The following PPP2R2B variants were observed in gnomAD, a reference collection of about 807,000 sequenced individuals.
PPP2R2B encodes serine/threonine-protein phosphatase 2A 55 kDa regulatory subunit B beta isoform.
In PPP2R2B, 5 loss-of-function variants were observed where a neutral mutation model predicts 46.0. The ratio of observed to expected loss-of-function variants is 0.11; its 90% confidence interval spans 0.06 to 0.23. The LOEUF (loss-of-function observed/expected upper bound fraction) is 0.23, where lower values mean the gene tolerates loss of function less well. PPP2R2B is among the 10% of genes least tolerant of loss of function. The probability of loss-of-function intolerance (pLI) is 1.00; values close to 1 mark genes in which losing one functional copy is unlikely to be tolerated. For synonymous variants in PPP2R2B, 215 were observed against 206.7 expected (o/e 1.04, Z -0.34); for missense variants, 367 against 575.0 (o/e 0.64, Z 3.70).
Position 146,813,123 on chromosome 5 carries a change from T to A in PPP2R2B, c.70+64879A>T, listed in dbSNP as rs533784361. 2.0e-5 allele frequency among the ~76,000 whole-genome samples: 3 copies of A among 151,496 alleles called. No individual in the cohort carries two copies. In the East Asian group the frequency reaches 5.9e-4, roughly 30 times the overall value. On this transcript the variant is annotated intron_variant, in intron 2 of 9. Transcript: ENST00000394411. Reference sequence around the variant, plus strand: ...CATATACATATACTATGAATGAAGCTATATATATAGTGTGTGTGTGTATAT... The same window carrying A: ...CATATACATATACTATGAATGAAGCAATATATATAGTGTGTGTGTGTATAT...
intron 2 of PPP2R2B, among the ~76,000 whole-genome samples, chr5:146,810,400 A>G (rs942091416): frequency 2.6e-5 from 4 of 152,294 alleles, no homozygotes; most frequent in African/African-American, 9.6e-5. Flanking sequence ...ACTACCATGA[A>G]AACAGTATGG....
intron 2 of PPP2R2B, among the ~76,000 whole-genome samples, chr5:146,842,528 G>T (rs1759725196): frequency 1.4e-5 from 2 of 144,900 alleles, no homozygotes; most frequent in African/African-American, 2.6e-5. Context: ...TGCAGGATGT[G>T]CAAGTTTTTT....
intron 1 of PPP2R2B, among the ~76,000 whole-genome samples, chr5:146,990,062 C>T (rs1753622043): frequency 6.7e-6 from 1 of 148,836 alleles, no homozygotes; most frequent in South Asian, 2.1e-4. Context: ...AACCATAAAA[C>T]ATTAATGAAA....
intron 1 of PPP2R2B, among the ~76,000 whole-genome samples, chr5:146,916,766 T>C (rs1034290266): frequency 2.0e-5 from 3 of 152,142 alleles, no homozygotes; most frequent in African/African-American, 7.2e-5. Flanking sequence ...GTAGTTTCAA[T>C]TTTGTGACTT....
At chr5:146,825,742 G>T (rs1012298117) in intron 2 of PPP2R2B, among the ~76,000 whole-genome samples, 4 of 152,210 alleles carry the variant, frequency 2.6e-5, no homozygotes, top group African/African-American at 7.2e-5. Context: ...AAGTGCTGTA[G>T]TTTAAAGTAT....
intron 7 of PPP2R2B, among the ~76,000 whole-genome samples, chr5:146,604,305 A>C (rs1019016272): frequency 1.3e-5 from 2 of 152,360 alleles, no homozygotes; most frequent in Admixed American, 6.5e-5. Flanking sequence ...AGAGATGTGC[A>C]AAATTTGTTG....
chr5:146,648,442 G>T (rs1775727145), intron 6 of PPP2R2B, among the ~76,000 whole-genome samples: 1 of 152,078 alleles, frequency 6.6e-6, no homozygotes, highest in Admixed American at 6.6e-5. Context: ...AAATTTCCAG[G>T]TTAGATTTTA....
intron 8 of PPP2R2B, among the ~76,000 whole-genome samples, chr5:146,595,552 C>T (rs573795369): frequency 2.6e-5 from 4 of 152,290 alleles, no homozygotes; most frequent in South Asian, 4.1e-4. Flanking sequence ...CAAGGGAAAA[C>T]CTAGTCTGAA....
chr5:146,650,825 C>T lies in PPP2R2B; in HGVS notation c.448-101G>A, dbSNP rs547139924. The T allele has an allele frequency of 1.2e-5, 13 of 1,102,590 alleles. No homozygotes were observed. The African/African-American group carries it at 1.6e-4, about 14-fold the overall frequency. 68.3% of individuals were successfully genotyped at this position (1,102,590 alleles called of 1,614,324 possible). A position where few individuals can be genotyped will look rare whatever the true frequency, so the allele number is the denominator to read the frequency against. On this transcript the variant is annotated intron_variant, in intron 5 of 9. Coordinates refer to ENST00000394411, the MANE Select transcript of PPP2R2B (RefSeq NM_181675.4). ...TTATTATCACACACAAAATAATAGC[C>T]ACATTGAAGAAACTCCAAGTTAGAG...
intron 2 of PPP2R2B, among the ~76,000 whole-genome samples, chr5:146,815,284 C>T (rs574561625): frequency 6.6e-6 from 1 of 152,328 alleles, no homozygotes; most frequent in East Asian, 1.9e-4. Flanking sequence ...GTCTTAAGAC[C>T]TTCTGGAGTT....
chr5:146,782,513 G>A (rs1755591624), intron 2 of PPP2R2B, among the ~76,000 whole-genome samples: 1 of 152,064 alleles, frequency 6.6e-6, no homozygotes, highest in African/African-American at 2.4e-5. Context: ...ACTTCAGCCT[G>A]AGTGATGACT....
At chr5:146,748,704 A>G (rs540210524) in intron 2 of PPP2R2B, among the ~76,000 whole-genome samples, 19 of 152,340 alleles carry the variant, frequency 1.2e-4, no homozygotes, top group African/African-American at 4.1e-4. Flanking sequence ...GATTGTATCA[A>G]TAGCTCATTC....
intron 5 of PPP2R2B, among the ~76,000 whole-genome samples, chr5:146,687,486 A>G (rs557956924): frequency 6.6e-6 from 1 of 152,210 alleles, no homozygotes; most frequent in African/African-American, 2.4e-5. Flanking sequence ...CAAATGATCA[A>G]TAAGTGCTAG....
At chr5:146,991,968 T>C (rs1436596671) in intron 1 of PPP2R2B, among the ~76,000 whole-genome samples, 1 of 152,116 alleles carries the variant, frequency 6.6e-6, no homozygotes, top group Non-Finnish European at 1.5e-5. Context: ...ACAGAGTCCA[T>C]GGAATCCATA....
intron 6 of PPP2R2B, among the ~76,000 whole-genome samples, chr5:146,645,970 A>G (rs1449307261): frequency 6.6e-6 from 1 of 152,186 alleles, no homozygotes; most frequent in Non-Finnish European, 1.5e-5. Context: ...CTCTTTGCCA[A>G]GTTAGTTCAT....
chr5:146,857,249 A>C (rs2151388950), intron 2 of PPP2R2B, among the ~76,000 whole-genome samples: 1 of 152,318 alleles, frequency 6.6e-6, no homozygotes, highest in African/African-American at 2.4e-5. Context: ...TTTCTCTGCA[A>C]GCGTTCAGAA....
rs146771591 is a variant in PPP2R2B at position 147,010,372 on chromosome 5, T to C, written c.79+45293A>G. Among the ~76,000 whole-genome samples, 382 of 152,294 alleles carry C rather than the reference T, an allele frequency of 2.5e-3. 1 individual carries two copies. Among genetic ancestry groups the C allele is most frequent in the African/African-American group, 8.7e-3 (360 of 41,564 alleles). On this transcript the variant is annotated intron_variant, in intron 1 of 8. Coordinates refer to the PPP2R2B transcript ENST00000336640. ...CATTTATTGTGCACTTTATTTCTAT[T>C]TTTATTGTATTGTAACATGTAGTGA...
intron 1 of PPP2R2B, among the ~76,000 whole-genome samples, chr5:146,988,441 C>A (rs1327744090): frequency 6.6e-6 from 1 of 151,726 alleles, no homozygotes; most frequent in Admixed American, 6.6e-5. Context: ...AGTGCAATAA[C>A]ACTAGAACAA....
intron 4 of PPP2R2B, among the ~76,000 whole-genome samples, chr5:146,693,965 T>A (rs533747180): frequency 1.1e-3 from 161 of 152,294 alleles, no homozygotes; most frequent in African/African-American, 3.6e-3. Context: ...TTTTGCCCCT[T>A]GCTCCATTCC....
Sources: allele counts gnomAD v4.1 joint callset (sites outside exome capture counted in the v4.1 genomes callset), GRCh38; gene constraint gnomAD v4.1.1; transcripts MANE v1.5; gene names NCBI Gene and HGNC (gene_info 2026-07-23, HGNC 2026-07-21).